Variants in HTD2 observed in about 807,000 individuals in gnomAD.
The protein encoded by HTD2 is hydroxyacyl-thioester dehydratase type 2.
HTD2 carries 1 observed loss-of-function variant against 3.1 expected under a neutral mutation model. The observed-to-expected ratio is 0.32, with a 90% CI of 0.11 to 1.52. The LOEUF (loss-of-function observed/expected upper bound fraction) is 1.52. Among genes scored for constraint, HTD2 ranks in the 40% most tolerant of loss-of-function variants. The probability of loss-of-function intolerance (pLI) is 0.39; values close to 1 mark genes in which losing one functional copy is unlikely to be tolerated. For synonymous variants in HTD2, 50 were observed against 28.9 expected, an observed-to-expected ratio of 1.73 and a Z score of -2.34; for missense variants, 150 against 79.6, an observed-to-expected ratio of 1.88 and a Z score of -3.36.
In HTD2 at chr3:58,312,980, A is replaced by AT. The variant is rs1376152832; in HGVS notation, c.-331+2389_-331+2390insT. ...TGTCTCAAAAAAAAAAAAAAAAAAA[A>AT]GGGCTGGGCACGGTAGCTCACGCCT... On this transcript the variant is annotated intron_variant, in intron 2 of 4. Transcript: ENST00000461393. Among the ~76,000 whole-genome samples, 273 of 135,790 alleles carry AT rather than the reference A, an allele frequency of 2.0e-3. 4 individuals carry two copies. The highest frequency in any genetic ancestry group is 7.1e-3 in the African/African-American group (264 of 37,370). 89.1% of individuals were successfully genotyped at this position (135,790 alleles called of 152,430 possible).
intron 2 of HTD2, 146 bp from the exon 3 acceptor site, chr3:58,316,369 A>T (rs966522104): frequency 6.0e-6 from 4 of 670,772 alleles, no homozygotes; most frequent in African/African-American, 5.4e-5. Flanking sequence ...GGGAGCTGTA[A>T]GTAGGCAACT....
intron 2 of HTD2, 113 bp downstream of exon 2, chr3:58,310,704 G>A: frequency 1.2e-6 from 1 of 800,202 alleles, no homozygotes; most frequent in South Asian, 1.7e-5. Context: ...GGCCGAGGTG[G>A]GCAGATCATG....
intron 3 of HTD2, 134 bp from the exon 4 acceptor site, chr3:58,316,780 AT>A: frequency 1.1e-6 from 1 of 891,854 alleles, no homozygotes. Context: ...AAAACTTACG[AT>A]TTGGTTACAG....
Position 58,319,686 on chromosome 3 carries a change from T to A in HTD2, c.*1566T>A, listed in dbSNP as rs2097492434. The A allele has an allele frequency of 6.6e-6, 1 of 151,966 alleles. No individual in the cohort carries two copies. Among genetic ancestry groups the A allele is most frequent in the Non-Finnish European group, 1.5e-5 (1 of 68,022 alleles). The allele number at this position is 151,966 out of a possible 1,614,324, so 9.4% of individuals were successfully genotyped here. ...ATTAAGAAGATTATGGAGGCCAAAT[T>A]CTTAAGACTTTGGGGGCTGGGGTCA... On this transcript the variant is annotated 3_prime_UTR_variant, in exon 5 of 5. Coordinates refer to ENST00000461393, the MANE Select transcript of HTD2 (RefSeq NM_001348712.2).
chr3:58,310,188 C>T (rs1022127814), intron 1 of HTD2: 17 of 687,228 alleles, frequency 2.5e-5, no homozygotes, highest in Non-Finnish European at 3.5e-5. Flanking sequence ...GCCTAGGTGA[C>T]AGGGTGAGAC....
In HTD2 at chr3:58,320,001, G is replaced by A. The variant is rs2097492835; in HGVS notation, c.*1881G>A. On this transcript the variant is annotated 3_prime_UTR_variant, in exon 5 of 5. Transcript: ENST00000461393. Reference sequence around the variant, plus strand: ...ATCCATTTCTCTCCTCCAGTCTTTGGGAATCACCAGTCTACTTTCTGTCTC... The same window carrying A: ...ATCCATTTCTCTCCTCCAGTCTTTGAGAATCACCAGTCTACTTTCTGTCTC... 6.6e-6 allele frequency: 1 copy of A among 151,992 alleles called. No individual in the cohort carries two copies. The highest frequency in any genetic ancestry group is 1.5e-5 in the Non-Finnish European group (1 of 68,010). The allele number at this position is 151,992 out of a possible 1,614,324, so 9.4% of individuals were successfully genotyped here. A position where few individuals can be genotyped will look rare whatever the true frequency, so the allele number is the denominator to read the frequency against.
Position 58,311,286 on chromosome 3 carries a change from C to CG in HTD2, c.-331+695_-331+696insG, listed in dbSNP as rs535490772. Among the ~76,000 whole-genome samples the CG allele has an allele frequency of 1.4e-4, 21 of 152,302 alleles. No individual in the cohort carries two copies. In the South Asian group the frequency reaches 4.4e-3, roughly 32 times the overall value. ...CTTCCTGCCTTAGCCCCCCTGGTAG[C>CG]TGAGATTACAGGCACACGCTACCAT... On this transcript the variant is annotated intron_variant, in intron 2 of 4. Coordinates refer to ENST00000461393, the MANE Select transcript of HTD2 (RefSeq NM_001348712.2).
At position 58,319,791 on chromosome 3, in the gene HTD2, C is replaced by G. The variant is rs1290961639; in HGVS notation, c.*1671C>G. The G allele has an allele frequency of 6.6e-6, 1 of 152,002 alleles. No individual in the cohort carries two copies. Among genetic ancestry groups the G allele is most frequent in the African/African-American group, 2.4e-5 (1 of 41,358 alleles). The allele number at this position is 152,002 out of a possible 1,614,324, so 9.4% of individuals were successfully genotyped here. On this transcript the variant is annotated 3_prime_UTR_variant, in exon 5 of 5. Coordinates refer to ENST00000461393, the MANE Select transcript of HTD2 (RefSeq NM_001348712.2). ...CCCAACACAGCCAACACTTTTGTTT[C>G]CCATTTTTTTTTGTTTCCCGTTTTT...
chr3:58,310,445 T>C, intron 1 of HTD2, 62 bp from the exon 2 acceptor site: 1 of 1,608,908 alleles, frequency 6.2e-7, no homozygotes. Flanking sequence ...AGATTACTTT[T>C]CTAACATGAA....
At chr3:58,310,374 CCCTT>C in intron 1 of HTD2, 129 bp from the exon 2 acceptor site, 1 of 1,614,178 alleles carries the variant, frequency 6.2e-7, no homozygotes, top group South Asian at 1.1e-5. Context: ...TTTACAAAAA[CCCTT>C]CCGAGTACCA....
chr3:58,316,621 T>A, intron 3 of HTD2, 30 bp downstream of exon 3: 1 of 1,581,060 alleles, frequency 6.3e-7, no homozygotes, highest in South Asian at 1.1e-5. Context: ...ATTTCTAGTA[T>A]AACAGGGCAG....
intron 2 of HTD2, 135 bp from the exon 3 acceptor site, chr3:58,316,380 A>G (rs767930973): frequency 8.1e-6 from 6 of 740,836 alleles, no homozygotes; most frequent in South Asian, 1.7e-5. Context: ...GTAGGCAACT[A>G]AAGTGCCAGC....
intron 4 of HTD2, 49 bp downstream of exon 4, chr3:58,317,042 A>T: frequency 1.5e-6 from 2 of 1,323,762 alleles, no homozygotes; most frequent in Non-Finnish European, 2.2e-6. Context: ...GTGATGGGTC[A>T]ACTGCTTCTT....
chr3:58,310,955 T>G (rs1161091270), intron 2 of HTD2, among the ~76,000 whole-genome samples: 1 of 108,918 alleles, frequency 9.2e-6, no homozygotes, highest in Non-Finnish European at 1.8e-5. Context: ...AAAGAATGCT[T>G]TTCAAACATC....
In HTD2 at chr3:58,316,971, A is replaced by T; in HGVS notation, c.-197A>T. 1 of 1,613,958 alleles carries T rather than the reference A, an allele frequency of 6.2e-7. No homozygotes were observed. The highest frequency in any genetic ancestry group is 8.5e-7 in the Non-Finnish European group (1 of 1,179,880). On this transcript the variant is annotated 5_prime_UTR_variant, in exon 4 of 5. Transcript: ENST00000461393. ...CTGTTAGGATCCTATAAAGGCAAAA[A>T]ATGTGCTTTCCGGGTGATTCAGGTA...
intron 1 of HTD2, among the ~76,000 whole-genome samples, chr3:58,307,252 G>A (rs2097476303): frequency 1.3e-5 from 2 of 152,192 alleles, no homozygotes; most frequent in African/African-American, 4.8e-5. Context: ...AAGGACTTTG[G>A]CCTTACTCTG....
In HTD2 at chr3:58,319,335, A is replaced by G. The variant is rs181703292; in HGVS notation, c.*1215A>G. 27 of 152,302 alleles carry G rather than the reference A, an allele frequency of 1.8e-4. No homozygotes were observed. The highest frequency in any genetic ancestry group is 1.6e-3 in the Admixed American group (25 of 15,292). 9.4% of individuals were successfully genotyped at this position (152,302 alleles called of 1,614,324 possible). A position where few individuals can be genotyped will look rare whatever the true frequency, so the allele number is the denominator to read the frequency against. ...ATGTAAACGGTCTGATCTGTAAAAT[A>G]GTGGTAGCACATGCCATGTGGGATA... On this transcript the variant is annotated 3_prime_UTR_variant, in exon 5 of 5. Coordinates refer to ENST00000461393, the MANE Select transcript of HTD2 (RefSeq NM_001348712.2).
rs2097491782 is a variant in HTD2 at position 58,319,202 on chromosome 3, G to A, written c.*1082G>A. ...TTTTAGACTGTTCTTCAGTATCTGA[G>A]TCAGAGTTTATTGTAATTTGTTATT... On this transcript the variant is annotated 3_prime_UTR_variant, in exon 5 of 5. Coordinates refer to ENST00000461393, the MANE Select transcript of HTD2 (RefSeq NM_001348712.2). The A allele has an allele frequency of 6.6e-6, 1 of 152,170 alleles. No homozygotes were observed. Among genetic ancestry groups the A allele is most frequent in the Admixed American group, 6.5e-5 (1 of 15,268 alleles). The allele number at this position is 152,170 out of a possible 1,614,324, so 9.4% of individuals were successfully genotyped here.
chr3:58,319,085 G>A lies in HTD2; in HGVS notation c.*965G>A. On this transcript the variant is annotated 3_prime_UTR_variant, in exon 5 of 5. Coordinates refer to ENST00000461393, the MANE Select transcript of HTD2 (RefSeq NM_001348712.2). Reference sequence around the variant, plus strand: ...CCCTACCTATAGCCATGTGGAAGCAGCTTGTCACTGTATTTTAACTGTGTA... The same window carrying A: ...CCCTACCTATAGCCATGTGGAAGCAACTTGTCACTGTATTTTAACTGTGTA... 6.6e-6 allele frequency: 1 copy of A among 152,198 alleles called. No homozygotes were observed. The highest frequency in any genetic ancestry group is 1.5e-5 in the Non-Finnish European group (1 of 68,048). The allele number at this position is 152,198 out of a possible 1,614,324, so 9.4% of individuals were successfully genotyped here.
Sources: gnomAD v4.1 joint callset for allele counts (sites outside exome capture counted in the v4.1 genomes callset) on GRCh38, gnomAD v4.1.1 for gene constraint, MANE v1.5 for transcripts, NCBI Gene and HGNC (gene_info 2026-07-23, HGNC 2026-07-21) for gene names.